Variants in NMNAT2 observed in about 807,000 individuals in gnomAD.
NMNAT2 encodes the protein nicotinamide nucleotide adenylyltransferase 2.
A neutral mutation model predicts 41.6 loss-of-function variants in NMNAT2; 11 were observed. That is an observed-to-expected ratio of 0.26 (90% CI 0.17 to 0.44). NMNAT2 has a LOEUF of 0.44. Ranked by LOEUF, NMNAT2 falls within the 20% of genes least tolerant of loss-of-function variation. The pLI is 1.00. For synonymous variants in NMNAT2, 148 were observed against 151.2 expected (o/e 0.98, Z 0.16); for missense variants, 288 against 407.7 (o/e 0.71, Z 2.53).
intron 1 of NMNAT2, among the ~76,000 whole-genome samples, chr1:183,349,627 G>A (rs1479607507): frequency 1.3e-5 from 2 of 152,226 alleles, no homozygotes; most frequent in East Asian, 1.9e-4. Context: ...TGTGCTGTTG[G>A]CACTCAGAGC....
chr1:183,388,748 C>T (rs1648335178), intron 1 of NMNAT2, among the ~76,000 whole-genome samples: 1 of 152,090 alleles, frequency 6.6e-6, no homozygotes, highest in African/African-American at 2.4e-5. Context: ...TGTCAGTCTC[C>T]CCCAGCTATA....
chr1:183,344,650 T>C (rs541416064), intron 1 of NMNAT2, among the ~76,000 whole-genome samples: 1 of 152,300 alleles, frequency 6.6e-6, no homozygotes, highest in East Asian at 1.9e-4. Flanking sequence ...AATTCTTTGT[T>C]GTGGGGGCCG....
At chr1:183,335,280 T>TA (rs1317850440) in intron 1 of NMNAT2, among the ~76,000 whole-genome samples, 1 of 152,220 alleles carries the variant, frequency 6.6e-6, no homozygotes, top group Non-Finnish European at 1.5e-5. Flanking sequence ...AAAGTTCTGG[T>TA]AGAAACAACA....
intron 1 of NMNAT2, among the ~76,000 whole-genome samples, chr1:183,349,967 A>G (rs1663010163): frequency 6.6e-6 from 1 of 152,160 alleles, no homozygotes; most frequent in Non-Finnish European, 1.5e-5. Flanking sequence ...GACTGGCAGA[A>G]TATAGTCTGA....
chr1:183,252,653 A>G lies in NMNAT2; in HGVS notation c.912T>C (p.Asn304=), dbSNP rs760318160. The G allele has an allele frequency of 6.8e-6, 11 of 1,613,358 alleles. No homozygotes were observed. The highest frequency in any genetic ancestry group is 8.5e-6 in the Non-Finnish European group (10 of 1,179,268). ...DYILKSQLYI[N]ASG is the part of the protein sequence containing the mutation. Reference sequence around the variant, plus strand: ...GGACGAGGGGCTGCTAGCCGGAGGCATTGATGTACAGCTGGCTTTTGAGGA... The same window carrying G: ...GGACGAGGGGCTGCTAGCCGGAGGCGTTGATGTACAGCTGGCTTTTGAGGA... Residue 304 remains asparagine, a synonymous_variant, in exon 11 of 11, where the codon AAT becomes AAC. Coordinates refer to ENST00000287713, the MANE Select transcript of NMNAT2 (RefSeq NM_015039.4).
At chr1:183,276,951 C>T (rs1290748063) in intron 8 of NMNAT2, among the ~76,000 whole-genome samples, 1 of 152,164 alleles carries the variant, frequency 6.6e-6, no homozygotes, top group Non-Finnish European at 1.5e-5. Context: ...GGAAACTTTC[C>T]CTCCCATCTT....
At chr1:183,288,341 G>T (rs1406370310) in intron 4 of NMNAT2, among the ~76,000 whole-genome samples, 1 of 152,158 alleles carries the variant, frequency 6.6e-6, no homozygotes, top group Non-Finnish European at 1.5e-5. Flanking sequence ...TACTCTCCAT[G>T]CAGGGAACAC....
chr1:183,409,236 A>AACCC (rs1480662934), intron 1 of NMNAT2, among the ~76,000 whole-genome samples: 1 of 152,162 alleles, frequency 6.6e-6, no homozygotes, highest in East Asian at 1.9e-4. Flanking sequence ...AGCATCAGAA[A>AACCC]ACCCAACCCC....
At chr1:183,364,323 G>A (rs1269001886) in intron 1 of NMNAT2, among the ~76,000 whole-genome samples, 2 of 152,094 alleles carry the variant, frequency 1.3e-5, no homozygotes, top group African/African-American at 2.4e-5. Flanking sequence ...TTTCATCATC[G>A]GAGCTCACAG....
At chr1:183,290,403 G>A (rs1430315010) in intron 3 of NMNAT2, among the ~76,000 whole-genome samples, 197 bp from the exon 4 acceptor site, 1 of 152,162 alleles carries the variant, frequency 6.6e-6, no homozygotes, top group Non-Finnish European at 1.5e-5. Context: ...AGAGGAGCAT[G>A]GCATAGGCTT....
intron 8 of NMNAT2, among the ~76,000 whole-genome samples, chr1:183,276,210 G>C (rs1661121867): frequency 6.6e-6 from 1 of 152,146 alleles, no homozygotes; most frequent in Admixed American, 6.6e-5. Context: ...GAGGGTTGGG[G>C]CTGGGACTTG....
chr1:183,389,798 A>AGGGAGGGAGGG, intron 1 of NMNAT2, among the ~76,000 whole-genome samples: 5 of 82,402 alleles, frequency 6.1e-5, no homozygotes, highest in South Asian at 4.4e-4. Flanking sequence ...GAAAGAAAGA[A>AGGGAGGGAGGG]AGAAAGAAAG....
intron 1 of NMNAT2, among the ~76,000 whole-genome samples, chr1:183,341,686 A>AAG (rs371507028): frequency 6.6e-5 from 1 of 15,192 alleles, no homozygotes; most frequent in African/African-American, 2.0e-4. Flanking sequence ...GAAAAAAAAA[A>AAG]AGAGAGAGAG....
chr1:183,293,485 A>G (rs1001918116), intron 2 of NMNAT2, among the ~76,000 whole-genome samples: 3 of 152,336 alleles, frequency 2.0e-5, no homozygotes, highest in African/African-American at 7.2e-5. Context: ...CTCTACGGTC[A>G]TGGACAGCTG....
chr1:183,393,032 C>T (rs1172509981), intron 1 of NMNAT2, among the ~76,000 whole-genome samples: 2 of 152,170 alleles, frequency 1.3e-5, no homozygotes, highest in African/African-American at 4.8e-5. Flanking sequence ...ACTGTCTTAA[C>T]ATAGTAGGCA....
chr1:183,366,618 A>C (rs767129829), intron 1 of NMNAT2, among the ~76,000 whole-genome samples: 1 of 152,196 alleles, frequency 6.6e-6, no homozygotes, highest in Non-Finnish European at 1.5e-5. Context: ...AATGGAATAG[A>C]TATTAATAGA....
intron 1 of NMNAT2, among the ~76,000 whole-genome samples, chr1:183,373,503 C>T (rs1353260598): frequency 1.3e-5 from 2 of 152,160 alleles, no homozygotes; most frequent in Non-Finnish European, 2.9e-5. Flanking sequence ...GGGGGAAAAG[C>T]CTCAGAATAT....
chr1:183,297,389 T>C (rs901618446), intron 1 of NMNAT2, among the ~76,000 whole-genome samples: 5 of 151,562 alleles, frequency 3.3e-5, no homozygotes, highest in Non-Finnish European at 7.4e-5. Context: ...AACCCTTTTT[T>C]TTTTTTTTTT....
At chr1:183,411,265 T>C (rs1311003035) in intron 1 of NMNAT2, among the ~76,000 whole-genome samples, 1 of 152,190 alleles carries the variant, frequency 6.6e-6, no homozygotes, top group East Asian at 1.9e-4. Flanking sequence ...TGGCAGTAAG[T>C]CTACCATAGA....
Sources: gnomAD v4.1 joint callset for allele counts (sites outside exome capture counted in the v4.1 genomes callset) on GRCh38, gnomAD v4.1.1 for gene constraint, MANE v1.5 for transcripts, NCBI Gene and HGNC (gene_info 2026-07-23, HGNC 2026-07-21) for gene names.